Variants in CCDC88A observed in about 807,000 individuals in gnomAD.
The protein encoded by CCDC88A is girdin.
CCDC88A carries 54 observed loss-of-function variants against 234.3 expected under a neutral mutation model. The observed-to-expected ratio is 0.23, with a 90% CI of 0.19 to 0.29. CCDC88A has a LOEUF of 0.29. Ranked by LOEUF, CCDC88A falls within the 10% of genes least tolerant of loss-of-function variation. The probability of loss-of-function intolerance (pLI) is 1.00; values close to 1 mark genes in which losing one functional copy is unlikely to be tolerated. For synonymous variants in CCDC88A, 753 were observed against 737.8 expected, an observed-to-expected ratio of 1.02 and a Z score of -0.33; for missense variants, 1,832 against 2,123.4, an observed-to-expected ratio of 0.86 and a Z score of 2.70.
chr2:55,351,935 G>A (rs560533676), intron 8 of CCDC88A, among the ~76,000 whole-genome samples: 13 of 152,196 alleles, frequency 8.5e-5, no homozygotes, highest in East Asian at 1.9e-4. Flanking sequence ...GGATGAACCT[G>A]GAAAACGTTA....
Position 55,344,173 on chromosome 2 carries a change from A to C in CCDC88A, c.1188+195T>G, listed in dbSNP as rs142656885. The stretch of plus-strand genomic sequence containing the variant: ...GTTGAAGACAACATTAGTAAGTAAC[A>C]TGCTTCTGTAACAAAAGCAGAAATT... On this transcript the variant is annotated intron_variant, in intron 11 of 32. Coordinates refer to ENST00000436346, the MANE Select transcript of CCDC88A (RefSeq NM_001365480.1). The C allele has an allele frequency of 1.5e-5, 6 of 398,420 alleles. No individual in the cohort carries two copies. The East Asian group carries it at 1.9e-4, about 13-fold the overall frequency. The allele number at this position is 398,420 out of a possible 1,614,324, so 24.7% of individuals were successfully genotyped here.
chr2:55,415,796 G>A (rs1277819987), intron 2 of CCDC88A, among the ~76,000 whole-genome samples: 1 of 152,176 alleles, frequency 6.6e-6, no homozygotes, highest in East Asian at 1.9e-4. Flanking sequence ...ACCAGCTGGA[G>A]TATTCAGAGG....
intron 27 of CCDC88A, chr2:55,301,650 C>T (rs1207675652): frequency 5.2e-6 from 3 of 573,052 alleles, no homozygotes; most frequent in Admixed American, 3.2e-5. Context: ...CTTGTTAATT[C>T]ATTAGCTGTT....
Position 55,315,960 on chromosome 2 carries a change from T to C in CCDC88A, c.3901A>G (p.Ile1301Val). Residue 1301 changes from isoleucine to valine, a missense_variant, in exon 22 of 33, where the codon ATT becomes GTT. Physicochemically the swap from Ile to Val is conservative, Grantham distance 29. Coordinates refer to ENST00000436346, the MANE Select transcript of CCDC88A (RefSeq NM_001365480.1). ...KLKEQYQQLD[I>V]TSTKLNNQCE... ...TGGTTATTCAGCTTGGTTGATGTAATATCCAATTGTTGGTATTGTTCCTTT... is the reference window on the plus strand; with the variant it reads ...TGGTTATTCAGCTTGGTTGATGTAACATCCAATTGTTGGTATTGTTCCTTT... 1.3e-6 allele frequency: 2 copies of C among 1,576,656 alleles called. No individual in the cohort carries two copies. The highest frequency in any genetic ancestry group is 1.2e-5 in the South Asian group (1 of 83,820).
At chr2:55,340,875 T>C (rs1472764942) in intron 12 of CCDC88A, among the ~76,000 whole-genome samples, 1 of 152,186 alleles carries the variant, frequency 6.6e-6, no homozygotes, top group Non-Finnish European at 1.5e-5. Flanking sequence ...TGTTTTTAAA[T>C]AGTCACTATG....
intron 9 of CCDC88A, chr2:55,348,682 C>T (rs1669497942): frequency 1.3e-5 from 2 of 152,156 alleles, no homozygotes; most frequent in Admixed American, 6.6e-5. Context: ...GGTGAGGAGG[C>T]TTGAGACCAA....
intron 5 of CCDC88A, among the ~76,000 whole-genome samples, chr2:55,365,440 A>T (rs1671818909): frequency 6.6e-6 from 1 of 152,212 alleles, no homozygotes; most frequent in Non-Finnish European, 1.5e-5. Context: ...CATAATTATT[A>T]TCAAAGGTAA....
intron 13 of CCDC88A, 127 bp from the exon 14 acceptor site, chr2:55,336,945 A>T: frequency 3.5e-6 from 2 of 564,126 alleles, no homozygotes; most frequent in Non-Finnish European, 3.0e-6. Context: ...AAATTTAAGA[A>T]ATTAGTATAG....
intron 3 of CCDC88A, among the ~76,000 whole-genome samples, chr2:55,382,006 G>A (rs1408966799): frequency 6.6e-6 from 1 of 152,138 alleles, no homozygotes; most frequent in Non-Finnish European, 1.5e-5. Context: ...TACTAATGAA[G>A]AGAATTAAGC....
Position 55,296,075 on chromosome 2 carries a change from AAAG to A in CCDC88A, c.5092-22_5092-20del. ...ACTTTATCTGTTTAAAAAAAAATTC[AAAG>A]CAGATTAGTGAATATAGTGCCATGT... On this transcript the variant is annotated intron_variant, in intron 30 of 32. Transcript: ENST00000436346. The A allele has an allele frequency of 1.3e-6, 2 of 1,544,810 alleles. No individual in the cohort carries two copies. Among genetic ancestry groups the A allele is most frequent in the Non-Finnish European group, 1.7e-6 (2 of 1,144,148 alleles).
intron 8 of CCDC88A, among the ~76,000 whole-genome samples, chr2:55,351,301 T>G (rs1192555316): frequency 6.6e-6 from 1 of 152,224 alleles, no homozygotes; most frequent in Admixed American, 6.5e-5. Context: ...AAGTATCCCT[T>G]TTCTGAACTG....
Position 55,355,634 on chromosome 2 carries a change from G to A in CCDC88A, c.745C>T (p.Leu249=). 1 of 1,614,096 alleles carries A rather than the reference G, an allele frequency of 6.2e-7. No homozygotes were observed. Among genetic ancestry groups the A allele is most frequent in the Non-Finnish European group, 8.5e-7 (1 of 1,179,954 alleles). The change falls in exon 8 of 33, where the codon CTG becomes TTG. Residue 249 remains leucine (L), a synonymous_variant. Transcript: ENST00000436346. Reference sequence around the variant, plus strand: ...TTAGCATCTGCCAGTTCCACCGACAGATGTTGTCGACTTTCTGTTCGCTTC... The same window carrying A: ...TTAGCATCTGCCAGTTCCACCGACAAATGTTGTCGACTTTCTGTTCGCTTC... The part of the protein sequence containing the change: ...GMKRTESRQH[L]SVELADAKAK...
chr2:55,307,784 C>T (rs6759957), intron 25 of CCDC88A, among the ~76,000 whole-genome samples: 12,790 of 148,926 alleles, frequency 0.086, 1,259 homozygotes, highest in African/African-American at 0.25. Context: ...CTGTAACTGG[C>T]CCCCACATCT....
chr2:55,357,368 C>G (rs1247176900), intron 7 of CCDC88A, among the ~76,000 whole-genome samples: 1 of 150,148 alleles, frequency 6.7e-6, no homozygotes, highest in Non-Finnish European at 1.5e-5. Context: ...CCCTCTCTAT[C>G]TCTCTCTCCC....
At chr2:55,403,685 T>C (rs1558831730) in intron 2 of CCDC88A, 1 of 152,248 alleles carries the variant, frequency 6.6e-6, no homozygotes, top group Non-Finnish European at 1.5e-5. Context: ...AGGGGTCTGA[T>C]CTCATTTGAG....
chr2:55,324,687 C>A (rs1684044496), intron 17 of CCDC88A, among the ~76,000 whole-genome samples: 1 of 151,914 alleles, frequency 6.6e-6, no homozygotes, highest in African/African-American at 2.4e-5. Context: ...GCTCTGTCGC[C>A]CAGGCTGGAG....
Position 55,409,738 on chromosome 2 carries a change from CTTTTTTTTTTT to C in CCDC88A, c.164+9067_164+9077del, listed in dbSNP as rs61703330. ...CAGGGGGATGTGCCTATATACCTCC[CTTTTTTTTTTT>C]TTTTTTTTTTTCAGACAGAGTCTCA... On this transcript the variant is annotated intron_variant, in intron 2 of 32. Coordinates refer to ENST00000436346, the MANE Select transcript of CCDC88A (RefSeq NM_001365480.1). Among the ~76,000 whole-genome samples the C allele has an allele frequency of 2.3e-3, 253 of 111,696 alleles. 2 individuals carry two copies. The highest frequency in any genetic ancestry group is 5.3e-3 in the Middle Eastern group (1 of 188). 73.3% of individuals were successfully genotyped at this position (111,696 alleles called of 152,430 possible). A position where few individuals can be genotyped will look rare whatever the true frequency, so the allele number is the denominator to read the frequency against.
chr2:55,320,202 A>T (rs918172429), intron 18 of CCDC88A, among the ~76,000 whole-genome samples: 2 of 152,176 alleles, frequency 1.3e-5, no homozygotes, highest in African/African-American at 4.8e-5. Context: ...CCATCTCAGC[A>T]CAAAGAGGTG....
rs1319438269 is a variant in CCDC88A, at chr2:55,296,318, T to G, written c.5031A>C (p.Gly1677=). 7 of 1,614,198 alleles carry G rather than the reference T, an allele frequency of 4.3e-6. No homozygotes were observed. Among genetic ancestry groups the G allele is most frequent in the Non-Finnish European group, 5.9e-6 (7 of 1,180,014 alleles). ...ACTGTTGTAGAGTAACAACTTCACT[T>G]CCAGGGGAACCAGTTTTGATCTTGT... ...RHHKIKTGSP[G]SEVVTLQQFL... is the part of the protein sequence containing the mutation. Residue 1677 remains glycine, a synonymous_variant, in exon 30 of 33, where the codon GGA becomes GGC. Transcript: ENST00000436346.
Sources: gnomAD v4.1 joint callset for allele counts (sites outside exome capture counted in the v4.1 genomes callset) on GRCh38, gnomAD v4.1.1 for gene constraint, MANE v1.5 for transcripts, NCBI Gene and HGNC (gene_info 2026-07-23, HGNC 2026-07-21) for gene names.